Variants in PDZRN4 observed in about 807,000 individuals in gnomAD.
The protein encoded by PDZRN4 is PDZ domain-containing RING finger protein 4.
A neutral mutation model predicts 99.0 loss-of-function variants in PDZRN4; 70 were observed. The observed-to-expected ratio is 0.71, with a 90% confidence interval of 0.58 to 0.86. The LOEUF (loss-of-function observed/expected upper bound fraction) is 0.86, where lower values mean the gene tolerates loss of function less well. Ranked by LOEUF, PDZRN4 falls within the 40% of genes least tolerant of loss-of-function variation. The pLI, the probability that PDZRN4 is intolerant of heterozygous loss-of-function variation, is 0.00. For synonymous variants in PDZRN4, 551 were observed against 501.6 expected, an observed-to-expected ratio of 1.10 and a Z score of -1.32; for missense variants, 1,474 against 1,331.2, an observed-to-expected ratio of 1.11 and a Z score of -1.67.
chr12:41,243,162 G>T (rs1469170089), intron 3 of PDZRN4, among the ~76,000 whole-genome samples: 2 of 152,098 alleles, frequency 1.3e-5, no homozygotes, highest in Non-Finnish European at 2.9e-5. Context: ...TCTTCATTTT[G>T]CCTGAAGAAT....
Position 41,276,891 on chromosome 12 carries a change from C to T in PDZRN4, c.843+82703C>T, listed in dbSNP as rs552759313. Among the ~76,000 whole-genome samples, 142 of 152,236 alleles carry T rather than the reference C, an allele frequency of 9.3e-4. 3 individuals are homozygous for T. Among genetic ancestry groups the T allele is most frequent in the Admixed American group, 7.1e-3 (109 of 15,270 alleles). On this transcript the variant is annotated intron_variant, in intron 3 of 9. Transcript: ENST00000402685. ...CAGCAGTATTTACCATTCTTAGAGACCCAGTTCTACTTTAATAATAATGTC... is the reference window on the plus strand; with the variant it reads ...CAGCAGTATTTACCATTCTTAGAGATCCAGTTCTACTTTAATAATAATGTC...
At position 41,521,015 on chromosome 12, in the gene PDZRN4, T is replaced by A. The variant is rs138200868; in HGVS notation, c.1203+11102T>A. Among the ~76,000 whole-genome samples, 21 of 152,272 alleles carry A rather than the reference T, an allele frequency of 1.4e-4. No individual in the cohort carries two copies. The East Asian group carries it at 3.7e-3, about 27-fold the overall frequency. On this transcript the variant is annotated intron_variant, in intron 5 of 9. Transcript: ENST00000402685. ...AACATATGTTTGTATTTGGTGTTGA[T>A]GCAAGCTATTATAGAAGTCACAGTT...
intron 3 of PDZRN4, among the ~76,000 whole-genome samples, chr12:41,397,825 TA>T (rs1466055853): frequency 2.0e-5 from 3 of 152,214 alleles, no homozygotes; most frequent in Non-Finnish European, 2.9e-5. Flanking sequence ...AAGTCACTTA[TA>T]TTTTTTTCTC....
In PDZRN4 at chr12:41,533,267, C is replaced by A. The variant is rs11180982; in HGVS notation, c.1204-19389C>A. ...TTGGCTCACTGCAACCTCCCCCTCC[C>A]GGATTCAAGCAATTCTCCCGCCTCA... On this transcript the variant is annotated intron_variant, in intron 5 of 9. Transcript: ENST00000402685. 7.6e-3 allele frequency among the ~76,000 whole-genome samples: 1,150 copies of A among 151,952 alleles called. 52 individuals carry two copies. The East Asian group carries it at 0.14, about 18-fold the overall frequency.
Position 41,422,895 on chromosome 12 carries a change from A to G in PDZRN4, c.844-83561A>G, listed in dbSNP as rs146476386. Reference sequence around the variant, plus strand: ...CACACAATGGAAATTTCTTTTGTCAATATGGCATTTATCCAAGACACTTGC... The same window carrying G: ...CACACAATGGAAATTTCTTTTGTCAGTATGGCATTTATCCAAGACACTTGC... On this transcript the variant is annotated intron_variant, in intron 3 of 9. Coordinates refer to ENST00000402685, the MANE Select transcript of PDZRN4 (RefSeq NM_001164595.2). 3.6e-3 allele frequency among the ~76,000 whole-genome samples: 549 copies of G among 152,234 alleles called. 8 individuals carry two copies. Among genetic ancestry groups the G allele is most frequent in the Non-Finnish European group, 3.8e-3 (257 of 68,012 alleles).
intron 3 of PDZRN4, among the ~76,000 whole-genome samples, chr12:41,283,203 A>G (rs1951400926): frequency 6.6e-6 from 1 of 152,226 alleles, no homozygotes; most frequent in African/African-American, 2.4e-5. Context: ...TCCCACAGAA[A>G]TACAAACTAC....
chr12:41,351,387 GGAGTGTAT>G lies in PDZRN4; in HGVS notation c.844-155064_844-155057del, dbSNP rs1421323046. On this transcript the variant is annotated intron_variant, in intron 3 of 9. Transcript: ENST00000402685. ...CATATAAATAGATGAAAAGGTAAGA[GGAGTGTAT>G]GAGTTCGTTCTTGCACTGCTATGAA... 2.0e-5 allele frequency among the ~76,000 whole-genome samples: 3 copies of G among 152,060 alleles called. No individual in the cohort carries two copies. The South Asian group carries it at 6.2e-4, about 31-fold the overall frequency.
At chr12:41,193,359 T>C (rs917850417) in intron 2 of PDZRN4, among the ~76,000 whole-genome samples, 12 of 152,342 alleles carry the variant, frequency 7.9e-5, no homozygotes, top group African/African-American at 2.6e-4. Context: ...AATTATATAA[T>C]GTATTATTAT....
At chr12:41,554,001 A>T (rs1592109555) in intron 6 of PDZRN4, among the ~76,000 whole-genome samples, 1 of 152,322 alleles carries the variant, frequency 6.6e-6, no homozygotes, top group Non-Finnish European at 1.5e-5. Flanking sequence ...TTAGAAAACA[A>T]CACAACTCTG....
At chr12:41,471,919 G>GTAA (rs60207226) in intron 3 of PDZRN4, among the ~76,000 whole-genome samples, 82,968 of 151,340 alleles carry the variant, frequency 0.55, 23,850 homozygotes, top group African/African-American at 0.74. Flanking sequence ...TAACTTCAAA[G>GTAA]TTGATAGGTG....
intron 5 of PDZRN4, among the ~76,000 whole-genome samples, chr12:41,544,554 T>G (rs1417838069): frequency 6.6e-6 from 1 of 152,198 alleles, no homozygotes; most frequent in Non-Finnish European, 1.5e-5. Flanking sequence ...TCATATCTAA[T>G]GCTGTGGGAT....
intron 5 of PDZRN4, among the ~76,000 whole-genome samples, chr12:41,535,741 C>T (rs1237470575): frequency 6.6e-6 from 1 of 152,082 alleles, no homozygotes; most frequent in Non-Finnish European, 1.5e-5. Flanking sequence ...GCATTTGGTC[C>T]CTTTTTCTCT....
intron 3 of PDZRN4, among the ~76,000 whole-genome samples, chr12:41,232,739 C>T (rs1951036946): frequency 6.6e-6 from 1 of 152,048 alleles, no homozygotes; most frequent in Admixed American, 6.6e-5. Flanking sequence ...ACATGAAGTC[C>T]TTGCCCATGC....
At chr12:41,522,326 A>G (rs1054499579) in intron 5 of PDZRN4, among the ~76,000 whole-genome samples, 1 of 152,162 alleles carries the variant, frequency 6.6e-6, no homozygotes, top group Non-Finnish European at 1.5e-5. Context: ...TCTCACTCAG[A>G]TAATTTGCAT....
intron 3 of PDZRN4, among the ~76,000 whole-genome samples, chr12:41,197,920 G>GTTTT (rs533696414): frequency 7.8e-5 from 9 of 115,616 alleles, no homozygotes; most frequent in African/African-American, 6.6e-5. Flanking sequence ...TTTTTTCTGG[G>GTTTT]TTTTTTTTTT....
intron 3 of PDZRN4, among the ~76,000 whole-genome samples, chr12:41,242,865 C>T (rs1254689853): frequency 2.6e-5 from 4 of 152,114 alleles, no homozygotes; most frequent in African/African-American, 9.7e-5. Context: ...TTGCAGTGCC[C>T]TTCTAAGCAT....
chr12:41,200,657 A>G lies in PDZRN4; in HGVS notation c.843+6469A>G, dbSNP rs77829956. Among the ~76,000 whole-genome samples the G allele has an allele frequency of 7.7e-3, 1,176 of 152,158 alleles. 14 individuals carry two copies. The highest frequency in any genetic ancestry group is 0.026 in the African/African-American group (1,081 of 41,530). On this transcript the variant is annotated intron_variant, in intron 3 of 9. Transcript: ENST00000402685. Reference sequence around the variant, plus strand: ...TATGCTATAAAAATCTCATCGGAACACCTGTAACATTATTTTGATTCATTT... The same window carrying G: ...TATGCTATAAAAATCTCATCGGAACGCCTGTAACATTATTTTGATTCATTT...
At chr12:41,471,973 C>T (rs972224944) in intron 3 of PDZRN4, among the ~76,000 whole-genome samples, 1 of 150,890 alleles carries the variant, frequency 6.6e-6, no homozygotes, top group African/African-American at 2.4e-5. Flanking sequence ...AAAATGTACA[C>T]GAATTTAATA....
chr12:41,490,453 C>T (rs1937862686), intron 3 of PDZRN4, among the ~76,000 whole-genome samples: 1 of 152,048 alleles, frequency 6.6e-6, no homozygotes, highest in Admixed American at 6.6e-5. Flanking sequence ...TGCAGACAAA[C>T]ATTGAAAGAA....
Sources: allele counts gnomAD v4.1 joint callset (sites outside exome capture counted in the v4.1 genomes callset), GRCh38; gene constraint gnomAD v4.1.1; transcripts MANE v1.5; gene names NCBI Gene and HGNC (gene_info 2026-07-23, HGNC 2026-07-21).